Variants in GRID2 observed in about 807,000 individuals in gnomAD.
The protein encoded by GRID2 is glutamate ionotropic receptor delta type subunit 2.
A neutral mutation model predicts 114.8 loss-of-function variants in GRID2; 33 were observed. The observed-to-expected ratio is 0.29, with a 90% CI of 0.22 to 0.38. The LOEUF (loss-of-function observed/expected upper bound fraction) is 0.38, where lower values mean the gene tolerates loss of function less well. Ranked by LOEUF, GRID2 falls within the 10% of genes least tolerant of loss-of-function variation. The pLI, the probability that GRID2 is intolerant of heterozygous loss-of-function variation, is 1.00. For synonymous variants in GRID2, 505 were observed against 449.9 expected, an observed-to-expected ratio of 1.12 and a Z score of -1.55; for missense variants, 1,184 against 1,257.7, an observed-to-expected ratio of 0.94 and a Z score of 0.89.
At chr4:92,454,726 T>C (rs1407427893) in intron 1 of GRID2, among the ~76,000 whole-genome samples, 1 of 152,098 alleles carries the variant, frequency 6.6e-6, no homozygotes, top group Non-Finnish European at 1.5e-5. Context: ...GTCCCAGCTA[T>C]TCTGGAGGCT....
At position 92,632,313 on chromosome 4, in the gene GRID2, C is replaced by T. The variant is rs191601614; in HGVS notation, c.244+42027C>T. Among the ~76,000 whole-genome samples the T allele has an allele frequency of 2.8e-3, 419 of 152,100 alleles. 1 individual carries two copies. Among genetic ancestry groups the T allele is most frequent in the African/African-American group, 9.3e-3 (385 of 41,498 alleles). On this transcript the variant is annotated intron_variant, in intron 2 of 15. Transcript: ENST00000282020. ...TAGTTTTTAATTTTGTATTTTCATTCCTTTATATGGTTTTTATGCACTTAG... is the reference window on the plus strand; with the variant it reads ...TAGTTTTTAATTTTGTATTTTCATTTCTTTATATGGTTTTTATGCACTTAG...
chr4:93,035,009 G>A (rs1053995705), intron 2 of GRID2, among the ~76,000 whole-genome samples: 2 of 151,872 alleles, frequency 1.3e-5, no homozygotes, highest in African/African-American at 4.8e-5. Context: ...AATAGAAGTA[G>A]CTATAAAAGA....
intron 11 of GRID2, among the ~76,000 whole-genome samples, chr4:93,476,051 A>G (rs2149440977): frequency 6.6e-6 from 1 of 152,254 alleles, no homozygotes; most frequent in East Asian, 1.9e-4. Context: ...AAAAAAAAGT[A>G]TAAAAAGAAA....
chr4:92,405,160 C>T (rs971098339), intron 1 of GRID2, among the ~76,000 whole-genome samples: 1 of 152,118 alleles, frequency 6.6e-6, no homozygotes, highest in South Asian at 2.1e-4. Context: ...CGTTCAAACT[C>T]CCAGCAATTC....
At chr4:92,914,050 A>T (rs1373054697) in intron 2 of GRID2, among the ~76,000 whole-genome samples, 1 of 152,128 alleles carries the variant, frequency 6.6e-6, no homozygotes, top group Non-Finnish European at 1.5e-5. Flanking sequence ...TATACATGTG[A>T]ATTACATTAG....
At chr4:92,543,757 A>G (rs1332510618) in intron 1 of GRID2, among the ~76,000 whole-genome samples, 1 of 152,192 alleles carries the variant, frequency 6.6e-6, no homozygotes, top group South Asian at 2.1e-4. Flanking sequence ...TACATGAGAT[A>G]GATGGAATAG....
intron 1 of GRID2, among the ~76,000 whole-genome samples, chr4:92,465,045 C>G (rs1465306774): frequency 1.3e-5 from 2 of 152,086 alleles, no homozygotes; most frequent in Non-Finnish European, 2.9e-5. Flanking sequence ...TCGCCTTCCA[C>G]CATAACTGAA....
chr4:92,745,292 T>C (rs1016279333), intron 2 of GRID2, among the ~76,000 whole-genome samples: 1 of 152,212 alleles, frequency 6.6e-6, no homozygotes, highest in Non-Finnish European at 1.5e-5. Flanking sequence ...ATTGAGAATA[T>C]TTAAAAAACA....
At chr4:93,137,965 C>CATT (rs1735412916) in intron 4 of GRID2, among the ~76,000 whole-genome samples, 2 of 67,094 alleles carry the variant, frequency 3.0e-5, no homozygotes, top group Non-Finnish European at 6.1e-5. Context: ...ATTTTTTCTT[C>CATT]GTTTTTTTTT....
intron 7 of GRID2, among the ~76,000 whole-genome samples, chr4:93,230,748 T>A (rs1222559449): frequency 2.0e-5 from 3 of 152,142 alleles, no homozygotes. Flanking sequence ...TATTCACTCC[T>A]GTCAAAGTCA....
At chr4:92,310,336 ACT>A (rs1327978990) in intron 1 of GRID2, among the ~76,000 whole-genome samples, 1 of 151,966 alleles carries the variant, frequency 6.6e-6, no homozygotes, top group Non-Finnish European at 1.5e-5. Flanking sequence ...ACATTGGCAA[ACT>A]CACATTATTA....
intron 1 of GRID2, among the ~76,000 whole-genome samples, chr4:92,331,835 A>G (rs1482138011): frequency 6.6e-6 from 1 of 152,182 alleles, no homozygotes; most frequent in African/African-American, 2.4e-5. Context: ...CACACAATAG[A>G]GGCAGGAACA....
chr4:92,395,305 T>C (rs950847044), intron 1 of GRID2, among the ~76,000 whole-genome samples: 2 of 151,532 alleles, frequency 1.3e-5, no homozygotes, highest in Non-Finnish European at 3.0e-5. Flanking sequence ...CACAATTAGG[T>C]GGGAAGACAA....
At chr4:93,058,545 A>G (rs1727479349) in intron 2 of GRID2, among the ~76,000 whole-genome samples, 1 of 151,804 alleles carries the variant, frequency 6.6e-6, no homozygotes, top group Non-Finnish European at 1.5e-5. Flanking sequence ...GTCCTTCCAC[A>G]CCATTGAAAT....
intron 2 of GRID2, among the ~76,000 whole-genome samples, chr4:92,782,172 A>G (rs1238679399): frequency 6.6e-6 from 1 of 152,088 alleles, no homozygotes; most frequent in Non-Finnish European, 1.5e-5. Flanking sequence ...AAGGGCTGAC[A>G]GTAATACTGT....
At chr4:92,597,039 T>C (rs1406043013) in intron 2 of GRID2, among the ~76,000 whole-genome samples, 1 of 152,046 alleles carries the variant, frequency 6.6e-6, no homozygotes, top group Non-Finnish European at 1.5e-5. Context: ...TAAGTATACT[T>C]TTCAGGAAAG....
At chr4:92,377,835 A>G (rs1002240959) in intron 1 of GRID2, among the ~76,000 whole-genome samples, 10 of 152,100 alleles carry the variant, frequency 6.6e-5, no homozygotes, top group Non-Finnish European at 1.2e-4. Flanking sequence ...ATAGCATGGG[A>G]AAGACCTTTC....
At chr4:93,257,989 TATATATATATACACACACAC>T (rs769382052) in intron 8 of GRID2, among the ~76,000 whole-genome samples, 7 of 130,864 alleles carry the variant, frequency 5.3e-5, no homozygotes, top group South Asian at 2.4e-4. Flanking sequence ...TATATATATA[TATATATATATACACACACAC>T]ACACACACAC....
At chr4:92,738,264 A>T (rs1438032978) in intron 2 of GRID2, among the ~76,000 whole-genome samples, 1 of 152,028 alleles carries the variant, frequency 6.6e-6, no homozygotes, top group African/African-American at 2.4e-5. Context: ...TCTCTTTCAG[A>T]TGGATTGAAT....
Sources: allele counts gnomAD v4.1 joint callset (sites outside exome capture counted in the v4.1 genomes callset), GRCh38; gene constraint gnomAD v4.1.1; transcripts MANE v1.5; gene names NCBI Gene and HGNC (gene_info 2026-07-23, HGNC 2026-07-21).